Variants in PCDHGA3 observed in about 807,000 individuals in gnomAD.
PCDHGA3 encodes protocadherin gamma-A3.
A neutral mutation model predicts 58.5 loss-of-function variants in PCDHGA3; 40 were observed. The ratio of observed to expected loss-of-function variants is 0.68; its 90% CI spans 0.53 to 0.89. PCDHGA3 has a LOEUF of 0.89. Among genes scored for constraint, PCDHGA3 ranks in the 40% least tolerant of loss-of-function variants. PCDHGA3 has a pLI of 0.00. For missense variants in PCDHGA3, 1,223 were observed against 1,195.9 expected, an observed-to-expected ratio of 1.02 and a Z score of -0.33; for synonymous variants, 530 against 525.7, an observed-to-expected ratio of 1.01 and a Z score of -0.11.
intron 1 of PCDHGA3, among the ~76,000 whole-genome samples, chr5:141,472,224 A>G (rs570743680): frequency 1.4e-4 from 21 of 152,330 alleles, no homozygotes; most frequent in African/African-American, 4.1e-4. Context: ...TCTCGATCAT[A>G]TAATACATTC....
intron 1 of PCDHGA3, chr5:141,355,392 C>T (rs1039208942): frequency 1.9e-5 from 30 of 1,614,084 alleles, no homozygotes; most frequent in Non-Finnish European, 2.5e-5. Flanking sequence ...AGCGCGGAGT[C>T]CGCATCGTCT....
At chr5:141,360,693 A>T (rs951041324) in intron 1 of PCDHGA3, 1 of 1,613,908 alleles carries the variant, frequency 6.2e-7, no homozygotes, top group Non-Finnish European at 8.5e-7. Flanking sequence ...AACAGACTCC[A>T]GATGGTCGTA....
chr5:141,476,061 C>T lies in PCDHGA3; in HGVS notation c.2425-18746C>T. On this transcript the variant is annotated intron_variant, in intron 1 of 3. Coordinates refer to ENST00000253812, the MANE Select transcript of PCDHGA3 (RefSeq NM_018916.4). The surrounding 1 kb of genome is among the most constrained non-coding windows in gnomAD (Gnocchi z 7.6). Reference sequence around the variant, plus strand: ...AAGCGCTAACCCGCTGAAAGTTTCTCAGCGAAATCTCAGGGACGATCTGGA... The same window carrying T: ...AAGCGCTAACCCGCTGAAAGTTTCTTAGCGAAATCTCAGGGACGATCTGGA... The T allele has an allele frequency of 6.6e-7, 1 of 1,508,880 alleles. No homozygotes were observed. Among genetic ancestry groups the T allele is most frequent in the Non-Finnish European group, 8.8e-7 (1 of 1,136,354 alleles). 93.5% of individuals were successfully genotyped at this position (1,508,880 alleles called of 1,614,324 possible).
intron 1 of PCDHGA3, among the ~76,000 whole-genome samples, chr5:141,460,724 A>G (rs1294708205): frequency 6.6e-6 from 1 of 152,114 alleles, no homozygotes; most frequent in Non-Finnish European, 1.5e-5. Flanking sequence ...TGTTATAAGC[A>G]TATATACACA....
rs1383420491 is a variant in PCDHGA3 at position 141,384,736 on chromosome 5, G to A, written c.2424+38279G>A. On this transcript the variant is annotated intron_variant, in intron 1 of 3. Transcript: ENST00000253812. ...GTCATACCTCCTGCTTAAGGCCAGC[G>A]AGCCAGGACTCTTTGCGGTTGGGCT... 3.7e-6 allele frequency: 6 copies of A among 1,613,938 alleles called. No homozygotes were observed. Among genetic ancestry groups the A allele is most frequent in the African/African-American group, 2.7e-5 (2 of 74,932 alleles).
chr5:141,431,016 C>A lies in PCDHGA3; in HGVS notation c.2425-63791C>A, dbSNP rs755015257. 4 of 1,613,456 alleles carry A rather than the reference C, an allele frequency of 2.5e-6. No individual in the cohort carries two copies. Among genetic ancestry groups the A allele is most frequent in the East Asian group, 2.2e-5 (1 of 44,860 alleles). ...AATCCGCGCAGCGGCAGCTTGGTCA[C>A]GGCGGGCAGGATAGACCGGGAGGAG... is the stretch of plus-strand genomic sequence containing the variant. On this transcript the variant is annotated intron_variant, in intron 1 of 3. Coordinates refer to ENST00000253812, the MANE Select transcript of PCDHGA3 (RefSeq NM_018916.4). The surrounding 1 kb of genome is among the most constrained non-coding windows in gnomAD (Gnocchi z 4.8).
intron 1 of PCDHGA3, chr5:141,392,860 T>A (rs726684): frequency 2.5e-6 from 4 of 1,612,016 alleles, no homozygotes; most frequent in Admixed American, 3.4e-5. Flanking sequence ...CTGATCCTGC[T>A]GTGCGCGCTG....
chr5:141,349,818 A>C (rs1256328285), intron 1 of PCDHGA3, among the ~76,000 whole-genome samples: 1 of 152,218 alleles, frequency 6.6e-6, no homozygotes, highest in East Asian at 1.9e-4. Context: ...AAACTGAAAA[A>C]AATGGCAGTG....
chr5:141,405,533 C>T (rs2094681755), intron 1 of PCDHGA3: 2 of 648,174 alleles, frequency 3.1e-6, no homozygotes. Context: ...GATTCTCCTG[C>T]CTCAGCCTCC....
intron 1 of PCDHGA3, chr5:141,430,974 C>G: frequency 6.2e-7 from 1 of 1,613,072 alleles, no homozygotes; most frequent in East Asian, 2.2e-5. Flanking sequence ...AGAGGTAGGA[C>G]GCAGCTTTTC....
At chr5:141,475,828 C>T (rs1319658902) in intron 1 of PCDHGA3, 1 of 387,614 alleles carries the variant, frequency 2.6e-6, no homozygotes, top group Admixed American at 4.3e-5. Context: ...GGCGCTAGCG[C>T]GTGTCCTGCT....
chr5:141,477,572 G>T lies in PCDHGA3; in HGVS notation c.2425-17235G>T, dbSNP rs375416133. The T allele has an allele frequency of 6.2e-7, 1 of 1,614,112 alleles. No homozygotes were observed. Among genetic ancestry groups the T allele is most frequent in the South Asian group, 1.1e-5 (1 of 91,072 alleles). ...AAACCTAAGTGTCTGGGACCCCGAC[G>T]CCCCGCAGAATGCTCGGCTTTCTTT... On this transcript the variant is annotated intron_variant, in intron 1 of 3. Transcript: ENST00000253812. The surrounding 1 kb of genome is among the most constrained non-coding windows in gnomAD (Gnocchi z 4.9).
intron 1 of PCDHGA3, chr5:141,400,024 G>C (rs2093943300): frequency 6.2e-7 from 1 of 1,612,894 alleles, no homozygotes; most frequent in Non-Finnish European, 8.5e-7. Flanking sequence ...CGACAGGGAC[G>C]CGGCCCGCCA....
In PCDHGA3 at chr5:141,383,648, C is replaced by T. The variant is rs781494472; in HGVS notation, c.2424+37191C>T. 2.5e-6 allele frequency: 4 copies of T among 1,614,034 alleles called. No individual in the cohort carries two copies. The Admixed American group carries it at 6.7e-5, about 27-fold the overall frequency. On this transcript the variant is annotated intron_variant, in intron 1 of 3. Transcript: ENST00000253812. Reference sequence around the variant, plus strand: ...TTCTCTCTGCCTCAGTACCAAGTAACTGTCCCCGAGAATGTGCCAGTGGGT... The same window carrying T: ...TTCTCTCTGCCTCAGTACCAAGTAATTGTCCCCGAGAATGTGCCAGTGGGT...
intron 1 of PCDHGA3, among the ~76,000 whole-genome samples, chr5:141,460,987 ATATATATATGTG>A (rs2099005819): frequency 1.1e-5 from 1 of 92,944 alleles, no homozygotes; most frequent in Admixed American, 9.9e-5. Flanking sequence ...GTGTGTGTAT[ATATATATATGTG>A]TATATATATA....
At chr5:141,348,853 A>G (rs1758193469) in intron 1 of PCDHGA3, among the ~76,000 whole-genome samples, 1 of 152,130 alleles carries the variant, frequency 6.6e-6, no homozygotes, top group Non-Finnish European at 1.5e-5. Flanking sequence ...AGCACTGCAA[A>G]ATAGTAGAAT....
intron 1 of PCDHGA3, chr5:141,384,334 C>G (rs1779970411): frequency 2.5e-6 from 4 of 1,613,846 alleles, no homozygotes; most frequent in Non-Finnish European, 2.5e-6. Flanking sequence ...TGCACAGGAC[C>G]ACGACAGTGA....
intron 1 of PCDHGA3, chr5:141,371,668 C>A: frequency 6.2e-7 from 1 of 1,614,026 alleles, no homozygotes; most frequent in Middle Eastern, 1.6e-4. Context: ...ATCACAGCTA[C>A]CGACAAAGGC....
chr5:141,396,720 C>T (rs1432240411), intron 1 of PCDHGA3: 1 of 151,964 alleles, frequency 6.6e-6, no homozygotes, highest in Non-Finnish European at 1.5e-5. Flanking sequence ...AAGCTAATAC[C>T]TGAATTGATT....
Sources: allele counts gnomAD v4.1 joint callset (sites outside exome capture counted in the v4.1 genomes callset), GRCh38; gene constraint gnomAD v4.1.1; non-coding constraint Gnocchi (gnomAD v3.1); transcripts MANE v1.5; gene names NCBI Gene and HGNC (gene_info 2026-07-23, HGNC 2026-07-21).